The following HCFC1 variants were observed in gnomAD, a reference collection of about 807,000 sequenced individuals.
HCFC1 encodes host cell factor 1.
A neutral mutation model predicts 105.5 loss-of-function variants in HCFC1; 7 were observed. The ratio of observed to expected loss-of-function variants is 0.07; its 90% confidence interval spans 0.04 to 0.12. HCFC1 has a LOEUF of 0.12. Ranked by LOEUF, HCFC1 falls within the 10% of genes least tolerant of loss-of-function variation. HCFC1 has a pLI of 1.00. For synonymous variants in HCFC1, 918 were observed against 828.1 expected (o/e 1.11, Z -1.86); for missense variants, 1,065 against 1,823.6 (o/e 0.58, Z 7.58).
chrX:153,957,244 T>C, intron 13 of HCFC1, 70 bp downstream of exon 13: 1 of 1,026,784 alleles, frequency 9.7e-7, no homozygotes, highest in Non-Finnish European at 1.3e-6. Context: ...ACAGCACGCC[T>C]TATAACCCGG....
rs1304782715 is a variant in HCFC1 at position 153,951,464 on chromosome X, G to T, written c.5403C>A (p.Pro1801=). 5.0e-6 allele frequency: 6 copies of T among 1,209,632 alleles called. No homozygotes were observed. In the East Asian group the frequency reaches 1.5e-4, roughly 30 times the overall value. ...TTTCCTTCTTCATGGGGGCTTTGCT[G>T]GGTGGGGGCGGCAGGTCTGGCTTCT... The part of the protein sequence containing the change: ...LGVKPDLPPP[P]SKAPMKKENQ... The change falls in exon 22 of 26, where the codon CCC becomes CCA. Residue 1801 remains proline, a synonymous_variant. Transcript: ENST00000310441.
chrX:153,954,530 G>C lies in HCFC1; in HGVS notation c.3869C>G (p.Ser1290Cys). Residue 1290 changes from serine to cysteine, a missense_variant, in exon 17 of 26, where the codon TCC (serine) becomes TGC (cysteine). This residue lies in a region of HCFC1 where 546 missense variants were observed against 599.9 expected (regional missense o/e 0.91). Coordinates refer to ENST00000310441, the MANE Select transcript of HCFC1 (RefSeq NM_005334.3). ...CPSATVTQVC[S>C]NPPCETHETG... ...CTCGTGGGTCTCACATGGTGGGTTG[G>C]AGCAGACTTGGGTCACGGTGGCCGA... 1 of 1,211,809 alleles carries C rather than the reference G, an allele frequency of 8.3e-7. No individual in the cohort carries two copies. The highest frequency in any genetic ancestry group is 1.1e-6 in the Non-Finnish European group (1 of 895,327).
At position 153,950,862 on chromosome X, in the gene HCFC1, G is replaced by A. The variant is rs1317147682; in HGVS notation, c.5654C>T (p.Thr1885Met). 8.3e-7 allele frequency: 1 copy of A among 1,209,247 alleles called. No individual in the cohort carries two copies. Among genetic ancestry groups the A allele is most frequent in the Non-Finnish European group, 1.1e-6 (1 of 895,067 alleles). The change falls in exon 23 of 26, where the codon ACG (threonine) becomes ATG (methionine). Residue 1885 changes from threonine (T) to methionine (M), a missense_variant. Physicochemically the swap from Thr to Met is moderately conservative, Grantham distance 81. Coordinates refer to ENST00000310441, the MANE Select transcript of HCFC1 (RefSeq NM_005334.3). The stretch of plus-strand genomic sequence containing the variant: ...GGCCCCTGGGAAACCAGGCAGGCAC[G>A]TCTTAAAGGCTGAGATTTCGCTGAA... ...GPFSEISAFK[T>M]CLPGFPGAPC...
rs1557113479 is a variant in HCFC1, at chrX:153,954,085, G to A, written c.4314C>T (p.Ser1438=). The change falls in exon 17 of 26, where the codon TCC becomes TCT. Residue 1438 remains serine (S), a synonymous_variant. Coordinates refer to ENST00000310441, the MANE Select transcript of HCFC1 (RefSeq NM_005334.3). The part of the protein sequence containing the change: ...GTTHTATTVT[S]NMSSNQDPPP... ...ACTTACCTTGGTTTGAACTCATGTT[G>A]GAAGTGACAGTGGTGGCCGTGTGAG... The A allele has an allele frequency of 8.3e-7, 1 of 1,203,125 alleles. No individual in the cohort carries two copies. Among genetic ancestry groups the A allele is most frequent in the South Asian group, 1.8e-5 (1 of 56,327 alleles).
chrX:153,948,991 C>T lies in HCFC1; in HGVS notation c.*356G>A. On this transcript the variant is annotated 3_prime_UTR_variant, in exon 26 of 26. Transcript: ENST00000310441. The stretch of plus-strand genomic sequence containing the variant: ...ACGCCTTTCCTCCCCTCCATGCCTG[C>T]CCCCGACCTGGCCCTCAGGAACGCA... 7.3e-6 allele frequency: 1 copy of T among 137,806 alleles called. No homozygotes were observed. The highest frequency in any genetic ancestry group is 9.2e-5 in the Admixed American group (1 of 10,821). 11.4% of individuals were successfully genotyped at this position (137,806 alleles called of 1,213,427 possible). A position where few individuals can be genotyped will look rare whatever the true frequency, so the allele number is the denominator to read the frequency against.
In HCFC1 at chrX:153,971,524, T is replaced by C. The variant is rs2065534494; in HGVS notation, c.-684A>G. 3.4e-6 allele frequency: 1 copy of C among 292,212 alleles called. No homozygotes were observed. Among genetic ancestry groups the C allele is most frequent in the South Asian group, 2.3e-4 (1 of 4,298 alleles). The allele number at this position is 292,212 out of a possible 1,213,427, so 24.1% of individuals were successfully genotyped here. A position where few individuals can be genotyped will look rare whatever the true frequency, so the allele number is the denominator to read the frequency against. On this transcript the variant is annotated 5_prime_UTR_variant, in exon 1 of 26. Transcript: ENST00000310441. ...GGCTCGCGCCGTACGGCTTGTGAAG[T>C]CTCGCGCCTCTCCCCTTAGTCCGCC... is the stretch of plus-strand genomic sequence containing the variant.
chrX:153,949,629 GGA>G lies in HCFC1; in HGVS notation c.6005-15_6005-14del, dbSNP rs782256204. The G allele has an allele frequency of 1.2e-5, 14 of 1,194,608 alleles. No individual in the cohort carries two copies. Among genetic ancestry groups the G allele is most frequent in the East Asian group, 8.9e-5 (3 of 33,801 alleles). On this transcript the variant is annotated splice_polypyrimidine_tract_variant and intron_variant, in intron 24 of 25. Coordinates refer to ENST00000310441, the MANE Select transcript of HCFC1 (RefSeq NM_005334.3). ...TCTTTACTGGTTTCTGGAAGGAACG[GGA>G]GAGATGCGTGAGCAGCATTGTGACA...
At position 153,952,694 on chromosome X, in the gene HCFC1, G is replaced by C; in HGVS notation, c.4762C>G (p.Pro1588Ala). The C allele has an allele frequency of 2.5e-6, 3 of 1,210,467 alleles. No homozygotes were observed. The highest frequency in any genetic ancestry group is 3.4e-6 in the Non-Finnish European group (3 of 894,745). The change falls in exon 19 of 26, where the codon CCC becomes GCC. Residue 1588 changes from proline (P) to alanine (A), a missense_variant. By Grantham distance (27) the Pro-to-Ala change is conservative. Around this residue, in one of 17 missense-constraint regions of HCFC1, gnomAD observed 546 missense variants for 599.9 expected, o/e 0.91. Coordinates refer to ENST00000310441, the MANE Select transcript of HCFC1 (RefSeq NM_005334.3). ...TGGGCCTCGGCCATTAGCTCTTGGGGAAGTGATAACTGGTCTACTTCGGAC... is the reference window on the plus strand; with the variant it reads ...TGGGCCTCGGCCATTAGCTCTTGGGCAAGTGATAACTGGTCTACTTCGGAC... The part of the protein sequence containing the change: ...TQSEVDQLSL[P>A]QELMAEAQAG...
chrX:153,957,614 T>G, intron 12 of HCFC1, 81 bp from the exon 13 acceptor site: 1 of 896,092 alleles, frequency 1.1e-6, no homozygotes, highest in Non-Finnish European at 1.6e-6. Flanking sequence ...GCCGGCAGCC[T>G]TGGCGGCTCA....
intron 24 of HCFC1, among the ~76,000 whole-genome samples, chrX:153,949,941 C>A (rs1444974556): frequency 8.9e-6 from 1 of 112,138 alleles, no homozygotes; most frequent in Non-Finnish European, 1.9e-5. Context: ...CCATCCCTCA[C>A]CTGCTGCACT....
At position 153,960,327 on chromosome X, in the gene HCFC1, T is replaced by C. The variant is rs1557116473; in HGVS notation, c.992A>G (p.Asn331Ser). ...CCCACTCCAAATGTACAGGCGGGTG[T>C]TGATGGCGACTGCGCAGTGGCCAGC... The part of the protein sequence containing the change: ...ARAGHCAVAI[N>S]TRLYIWSGRD... The change falls in exon 7 of 26, where the codon AAC becomes AGC. Residue 331 changes from asparagine (N) to serine (S), a missense_variant. Asn to Ser is a conservative substitution (Grantham distance 46). This residue lies in a region of HCFC1 where 18 missense variants were observed against 40.1 expected (regional missense o/e 0.45). Transcript: ENST00000310441. The C allele has an allele frequency of 8.3e-7, 1 of 1,201,160 alleles. No individual in the cohort carries two copies. Among genetic ancestry groups the C allele is most frequent in the East Asian group, 3.0e-5 (1 of 33,455 alleles).
intron 1 of HCFC1, among the ~76,000 whole-genome samples, chrX:153,968,507 CG>C (rs1436565647): frequency 5.3e-5 from 6 of 112,206 alleles, no homozygotes; most frequent in African/African-American, 1.9e-4. Flanking sequence ...GCTGCTCTCT[CG>C]TCTGAGGAAT....
At position 153,958,345 on chromosome X, in the gene HCFC1, A is replaced by G. The variant is rs781866902; in HGVS notation, c.1804-96T>C. 1.8e-5 allele frequency: 13 copies of G among 740,015 alleles called. No individual in the cohort carries two copies. In the African/African-American group the frequency reaches 2.1e-4, roughly 12 times the overall value. 61.0% of individuals were successfully genotyped at this position (740,015 alleles called of 1,213,427 possible). The stretch of plus-strand genomic sequence containing the variant: ...GTGGGCCCATAGCTCCTGCCTCAAC[A>G]CTCACCTTCCTCCTCCTCCTGCTCC... On this transcript the variant is annotated intron_variant, in intron 10 of 25. Transcript: ENST00000310441.
chrX:153,952,120 T>C lies in HCFC1; in HGVS notation c.4981A>G (p.Thr1661Ala), dbSNP rs782172902. The stretch of plus-strand genomic sequence containing the variant: ...TGCCCCAGCTCCGCCTGAGTCACGG[T>C]TGCTGCTGCCTCGGAGGTGTCCATG... ...EPMDTSEAAA[T>A]VTQAELGHLS... The change falls in exon 20 of 26, where the codon ACC (threonine) becomes GCC (alanine). Residue 1661 changes from threonine (T) to alanine (A), a missense_variant. Physicochemically the swap from Thr to Ala is moderately conservative, Grantham distance 58. Transcript: ENST00000310441. 1.6e-5 allele frequency: 18 copies of C among 1,140,929 alleles called. No individual in the cohort carries two copies. The highest frequency in any genetic ancestry group is 3.2e-5 in the East Asian group (1 of 31,661). The allele number at this position is 1,140,929 out of a possible 1,213,427, so 94.0% of individuals were successfully genotyped here.
chrX:153,970,858 C>A lies in HCFC1; in HGVS notation c.-18G>T. 1 of 1,133,966 alleles carries A rather than the reference C, an allele frequency of 8.8e-7. No individual in the cohort carries two copies. The allele number at this position is 1,133,966 out of a possible 1,213,427, so 93.5% of individuals were successfully genotyped here. ...GAAGCCATAGTTCCGGGAAAGGGTG[C>A]GGTGGGGAGAAGTCAACAAGCGGGA... On this transcript the variant is annotated 5_prime_UTR_variant, in exon 1 of 26. Coordinates refer to ENST00000310441, the MANE Select transcript of HCFC1 (RefSeq NM_005334.3).
chrX:153,951,172 G>A (rs1603294352), intron 22 of HCFC1, among the ~76,000 whole-genome samples, 174 bp from the exon 23 acceptor site: 1 of 112,050 alleles, frequency 8.9e-6, no homozygotes, highest in African/African-American at 3.2e-5. Context: ...GTACTGGCGG[G>A]AAGGAACCAA....
At chrX:153,958,498 G>A (rs879987847) in intron 10 of HCFC1, 71 bp downstream of exon 10, 2 of 1,005,311 alleles carry the variant, frequency 2.0e-6, no homozygotes, top group Non-Finnish European at 2.7e-6. Flanking sequence ...CGGTCCAACG[G>A]CTAACTCTAA....
intron 10 of HCFC1, 62 bp downstream of exon 10, chrX:153,958,506 TA>T: frequency 9.5e-7 from 1 of 1,051,669 alleles, no homozygotes; most frequent in Non-Finnish European, 1.3e-6. Context: ...CGGCTAACTC[TA>T]AAGCCCGGAG....
intron 8 of HCFC1, 61 bp downstream of exon 8, chrX:153,959,741 C>T: frequency 1.8e-6 from 2 of 1,135,212 alleles, no homozygotes; most frequent in Non-Finnish European, 2.3e-6. Flanking sequence ...CCCTACTTGG[C>T]CGCTGCCTCT....
Sources: gnomAD v4.1 joint callset for allele counts (sites outside exome capture counted in the v4.1 genomes callset) on GRCh38, gnomAD v4.1.1 for gene constraint, gnomAD v4.1.1 regional missense constraint, MANE v1.5 for transcripts, NCBI Gene and HGNC (gene_info 2026-07-23, HGNC 2026-07-21) for gene names.